The following NR6A1 variants were observed in gnomAD, a reference collection of about 807,000 sequenced individuals.
NR6A1 encodes the protein nuclear receptor subfamily 6 group A member 1.
In NR6A1, 7 loss-of-function variants were observed where a neutral mutation model predicts 59.1. The observed-to-expected ratio is 0.12, with a 90% confidence interval of 0.07 to 0.22. The LOEUF is 0.22. Ranked by LOEUF, NR6A1 falls within the 10% of genes least tolerant of loss-of-function variation. The pLI, the probability that NR6A1 is intolerant of heterozygous loss-of-function variation, is 1.00. For missense variants in NR6A1, 468 were observed against 611.6 expected, an observed-to-expected ratio of 0.77 and a Z score of 2.48; for synonymous variants, 243 against 236.1, an observed-to-expected ratio of 1.03 and a Z score of -0.27.
chr9:124,697,182 T>C (rs1398349907), intron 2 of NR6A1, among the ~76,000 whole-genome samples: 3 of 152,180 alleles, frequency 2.0e-5, no homozygotes, highest in Admixed American at 2.0e-4. Context: ...GAACAAGGAA[T>C]GCACATTTAT....
chr9:124,692,435 A>G (rs551926523), intron 2 of NR6A1: 105 of 527,772 alleles, frequency 2.0e-4, no homozygotes, highest in African/African-American at 1.9e-3. Context: ...TGTGGATGGG[A>G]GAATGAAGAA....
intron 2 of NR6A1, among the ~76,000 whole-genome samples, chr9:124,651,078 C>G (rs932452966): frequency 2.0e-5 from 3 of 152,124 alleles, no homozygotes; most frequent in African/African-American, 7.2e-5. Flanking sequence ...CTTTTTGAGA[C>G]AGAGTCTCAC....
intron 2 of NR6A1, among the ~76,000 whole-genome samples, chr9:124,680,959 T>C (rs1310368185): frequency 6.6e-6 from 1 of 152,236 alleles, no homozygotes; most frequent in African/African-American, 2.4e-5. Flanking sequence ...ACTGTATTTG[T>C]CACTGTCACA....
At chr9:124,549,021 C>A (rs1290585509) in intron 3 of NR6A1, among the ~76,000 whole-genome samples, 1 of 152,106 alleles carries the variant, frequency 6.6e-6, no homozygotes, top group Non-Finnish European at 1.5e-5. Context: ...TTGATCATGG[C>A]CCTTGAGGGG....
At position 124,759,763 on chromosome 9, in the gene NR6A1, A is replaced by G. The variant is rs564692022; in HGVS notation, c.100+11257T>C. ...GGCTTATTAAAACCAACATGAGGCC[A>G]GGGGCTGTGGCTCACAGTTGTTAAT... On this transcript the variant is annotated intron_variant, in intron 1 of 9. Coordinates refer to ENST00000487099, the MANE Select transcript of NR6A1 (RefSeq NM_033334.4). 7.9e-5 allele frequency among the ~76,000 whole-genome samples: 12 copies of G among 152,326 alleles called. No homozygotes were observed. The East Asian group carries it at 1.9e-3, about 24-fold the overall frequency.
At chr9:124,586,545 A>C (rs1184835339) in intron 2 of NR6A1, among the ~76,000 whole-genome samples, 5 of 152,006 alleles carry the variant, frequency 3.3e-5, no homozygotes, top group Admixed American at 3.3e-4. Context: ...TCCTGGGCTC[A>C]AGCAATCCTC....
chr9:124,657,173 T>C (rs1837284106), intron 2 of NR6A1, among the ~76,000 whole-genome samples: 1 of 152,164 alleles, frequency 6.6e-6, no homozygotes, highest in South Asian at 2.1e-4. Context: ...TATCTAATAG[T>C]GCATCAAAAC....
intron 2 of NR6A1, among the ~76,000 whole-genome samples, chr9:124,622,818 C>T (rs531976513): frequency 1.2e-4 from 18 of 152,052 alleles, no homozygotes; most frequent in Middle Eastern, 3.4e-3. Context: ...GAGGAATGAA[C>T]TTCTCACAGA....
chr9:124,670,362 C>T (rs1837756589), intron 2 of NR6A1, among the ~76,000 whole-genome samples: 1 of 152,100 alleles, frequency 6.6e-6, no homozygotes. Context: ...GTACTCCAAC[C>T]TAAAAGACCA....
chr9:124,572,557 G>A (rs1310933343), intron 2 of NR6A1, among the ~76,000 whole-genome samples: 1 of 152,222 alleles, frequency 6.6e-6, no homozygotes, highest in Admixed American at 6.5e-5. Flanking sequence ...TGAAGAAAGT[G>A]AGAATCAAAC....
intron 1 of NR6A1, among the ~76,000 whole-genome samples, chr9:124,752,472 G>A (rs555331274): frequency 1.3e-5 from 2 of 152,032 alleles, no homozygotes; most frequent in South Asian, 2.1e-4. Flanking sequence ...CAATAAAATG[G>A]TAATTAAACA....
chr9:124,651,566 C>T (rs1299049838), intron 2 of NR6A1, among the ~76,000 whole-genome samples: 2 of 152,172 alleles, frequency 1.3e-5, no homozygotes, highest in Non-Finnish European at 2.9e-5. Context: ...TAGGGGTTGG[C>T]CCCACAGTGG....
chr9:124,652,152 G>A (rs1311044981), intron 2 of NR6A1, among the ~76,000 whole-genome samples: 4 of 152,132 alleles, frequency 2.6e-5, no homozygotes, highest in African/African-American at 9.7e-5. Context: ...GGTGGAGGTA[G>A]GTATTCCAGG....
rs1014485104 is a variant in NR6A1 at position 124,554,179 on chromosome 9, T to C, written c.385+149A>G. 2.3e-5 allele frequency: 28 copies of C among 1,213,598 alleles called. No individual in the cohort carries two copies. The South Asian group carries it at 2.9e-4, about 13-fold the overall frequency. The allele number at this position is 1,213,598 out of a possible 1,614,324, so 75.2% of individuals were successfully genotyped here. ...CCCCACCTAGTTTAGGAAGGTCTTA[T>C]AGGCAAGAATGGTTCATTTTTGGTT... On this transcript the variant is annotated intron_variant, in intron 3 of 9. Coordinates refer to ENST00000487099, the MANE Select transcript of NR6A1 (RefSeq NM_033334.4).
chr9:124,613,916 C>A, intron 2 of NR6A1, among the ~76,000 whole-genome samples: 1 of 152,148 alleles, frequency 6.6e-6, no homozygotes, highest in East Asian at 1.9e-4. Flanking sequence ...GATTTGGTCA[C>A]CTGGCTGGGG....
intron 2 of NR6A1, among the ~76,000 whole-genome samples, chr9:124,654,993 T>C (rs1425314659): frequency 6.6e-6 from 1 of 151,734 alleles, no homozygotes; most frequent in Non-Finnish European, 1.5e-5. Context: ...AACTGCACTT[T>C]CAAAATAACA....
chr9:124,743,771 C>T (rs568455979), intron 1 of NR6A1, among the ~76,000 whole-genome samples: 124 of 152,334 alleles, frequency 8.1e-4, no homozygotes, highest in African/African-American at 2.9e-3. Flanking sequence ...GCAATTCAGT[C>T]TGATGAGTCA....
rs1360968047 is a variant in NR6A1, at chr9:124,710,309, A to G, written c.142+22999T>C. On this transcript the variant is annotated intron_variant, in intron 2 of 9. Coordinates refer to ENST00000487099, the MANE Select transcript of NR6A1 (RefSeq NM_033334.4). ...ATTTGGTTATTAAAAGTCACAAATA[A>G]TAATTCTGTCAACAGAACTGACCAC... is the stretch of plus-strand genomic sequence containing the variant. Among the ~76,000 whole-genome samples, 3 of 152,254 alleles carry G rather than the reference A, an allele frequency of 2.0e-5. No individual in the cohort carries two copies. The East Asian group carries it at 5.8e-4, about 29-fold the overall frequency.
intron 2 of NR6A1, among the ~76,000 whole-genome samples, chr9:124,677,862 T>C (rs970068015): frequency 6.6e-6 from 1 of 152,094 alleles, no homozygotes; most frequent in Non-Finnish European, 1.5e-5. Context: ...AGTGACCCCA[T>C]GAAACAGAGA....
Sources: gnomAD v4.1 joint callset for allele counts (sites outside exome capture counted in the v4.1 genomes callset) on GRCh38, gnomAD v4.1.1 for gene constraint, MANE v1.5 for transcripts, NCBI Gene and HGNC (gene_info 2026-07-23, HGNC 2026-07-21) for gene names.